The following LIPM variants were observed in gnomAD, a reference collection of about 807,000 sequenced individuals.
LIPM encodes the protein lipase family member M, also known as lipase member M.
Under a neutral mutation model 42.4 loss-of-function variants are expected in LIPM, and 42 were observed. The observed-to-expected ratio is 0.99, with a 90% CI of 0.77 to 1.28. The LOEUF (loss-of-function observed/expected upper bound fraction) is 1.28. Ranked by LOEUF, LIPM falls within the 50% of genes most tolerant of loss-of-function variation. LIPM has a pLI of 0.00. For synonymous variants in LIPM, 177 were observed against 173.3 expected, an observed-to-expected ratio of 1.02 and a Z score of -0.17; for missense variants, 524 against 520.1, an observed-to-expected ratio of 1.01 and a Z score of -0.07.
chr10:88,818,782 T>C (rs1411780), intron 8 of LIPM, among the ~76,000 whole-genome samples: 112,840 of 152,130 alleles, frequency 0.74, 42,271 homozygotes, highest in East Asian at 1. Context: ...CCCTGGATAG[T>C]GAACTCTCAA....
chr10:88,817,168 A>T lies in LIPM; in HGVS notation c.930+281A>T, dbSNP rs191001339. On this transcript the variant is annotated intron_variant, in intron 7 of 8. Coordinates refer to ENST00000404743, the MANE Select transcript of LIPM (RefSeq NM_001128215.1). ...CTTCTCTCTGTCTCTAGACACCTCA[A>T]AGATGTGGCTGGAGATAATTATGTT... Among the ~76,000 whole-genome samples, 3 of 152,334 alleles carry T rather than the reference A, an allele frequency of 2.0e-5. No individual in the cohort carries two copies. In the East Asian group the frequency reaches 5.8e-4, roughly 29 times the overall value.
At chr10:88,809,256 T>C (rs1258545366) in intron 2 of LIPM, among the ~76,000 whole-genome samples, 1 of 152,176 alleles carries the variant, frequency 6.6e-6, no homozygotes, top group Non-Finnish European at 1.5e-5. Flanking sequence ...CGCCTGGCTA[T>C]ACATACATTT....
intron 2 of LIPM, among the ~76,000 whole-genome samples, chr10:88,810,410 G>A (rs1285605210): frequency 1.3e-5 from 2 of 151,978 alleles, no homozygotes; most frequent in Non-Finnish European, 1.5e-5. Flanking sequence ...AGGTGTTTGA[G>A]GTTCAAGGAA....
chr10:88,816,892 G>C lies in LIPM; in HGVS notation c.930+5G>C, dbSNP rs1050175761. ...AATATTCTACACTGGAGCCAGGTAA[G>C]AATGTTGAATTTGCAGTCTTTGCTA... On this transcript the variant is annotated splice_donor_5th_base_variant and intron_variant, in intron 7 of 8. Coordinates refer to ENST00000404743, the MANE Select transcript of LIPM (RefSeq NM_001128215.1). The C allele has an allele frequency of 6.5e-7, 1 of 1,550,008 alleles. No individual in the cohort carries two copies. The highest frequency in any genetic ancestry group is 8.7e-7 in the Non-Finnish European group (1 of 1,145,486).
At chr10:88,809,542 C>T (rs1843628584) in intron 2 of LIPM, among the ~76,000 whole-genome samples, 1 of 152,146 alleles carries the variant, frequency 6.6e-6, no homozygotes, top group South Asian at 2.1e-4. Context: ...ATTTAATTTT[C>T]ACAATTACCC....
chr10:88,814,929 A>G (rs1243589804), intron 4 of LIPM, among the ~76,000 whole-genome samples, 159 bp from the exon 5 acceptor site: 1 of 152,242 alleles, frequency 6.6e-6, no homozygotes, highest in African/African-American at 2.4e-5. Flanking sequence ...ACTACTTGAA[A>G]GCAAATATGC....
intron 2 of LIPM, among the ~76,000 whole-genome samples, chr10:88,810,566 C>A (rs1400796309): frequency 2.7e-5 from 4 of 149,952 alleles, no homozygotes; most frequent in Non-Finnish European, 5.9e-5. Context: ...TTATTGAAAA[C>A]AACTGAAAAA....
chr10:88,809,835 C>T (rs1477627222), intron 2 of LIPM, among the ~76,000 whole-genome samples: 1 of 152,144 alleles, frequency 6.6e-6, no homozygotes, highest in East Asian at 1.9e-4. Context: ...GTCTAGCGTG[C>T]ACCTGCCTTA....
At chr10:88,817,515 G>A (rs1415592697) in intron 7 of LIPM, among the ~76,000 whole-genome samples, 1 of 152,132 alleles carries the variant, frequency 6.6e-6, no homozygotes, top group East Asian at 1.9e-4. Context: ...CAATTCCAGG[G>A]CACGATTCCC....
At chr10:88,813,904 C>T (rs1445326645) in intron 3 of LIPM, among the ~76,000 whole-genome samples, 1 of 152,106 alleles carries the variant, frequency 6.6e-6, no homozygotes, top group Non-Finnish European at 1.5e-5. Context: ...TGAGAACTCA[C>T]TATCACGAGA....
chr10:88,813,159 AACC>A lies in LIPM; in HGVS notation c.329_331del (p.Asn110_Leu111delinsMet). 6.2e-7 allele frequency: 1 copy of A among 1,612,768 alleles called. No individual in the cohort carries two copies. Among genetic ancestry groups the A allele is most frequent in the Non-Finnish European group, 8.5e-7 (1 of 1,179,270 alleles). On this transcript the variant is annotated inframe_deletion, in exon 3 of 9. Coordinates refer to ENST00000404743, the MANE Select transcript of LIPM (RefSeq NM_001128215.1). Reference sequence around the variant, plus strand: ...TGGAGGTGCTAGCAACTGGATTTCCAACCTGCCCAACAATAGCCTGGGCTTCAT... The same window carrying A: ...TGGAGGTGCTAGCAACTGGATTTCCATGCCCAACAATAGCCTGGGCTTCAT...
rs72015280 is a variant in LIPM at position 88,808,910 on chromosome 10, C to CATTTTATTTTATTTTATTTTATTTT, written c.265+531_265+555dup. ...TTGAAAAACGAAAGTTCTATACATA[C>CATTTTATTTTATTTTATTTTATTTT]ATTTTATTTTATTTTATTTTATTTT... On this transcript the variant is annotated intron_variant, in intron 2 of 8. Coordinates refer to ENST00000404743, the MANE Select transcript of LIPM (RefSeq NM_001128215.1). 2.9e-3 allele frequency among the ~76,000 whole-genome samples: 392 copies of CATTTTATTTTATTTTATTTTATTTT among 135,412 alleles called. 6 individuals are homozygous for CATTTTATTTTATTTTATTTTATTTT. Among genetic ancestry groups the CATTTTATTTTATTTTATTTTATTTT allele is most frequent in the South Asian group, 0.012 (49 of 3,930 alleles). The allele number at this position is 135,412 out of a possible 152,430, so 88.8% of individuals were successfully genotyped here.
chr10:88,805,132 G>A (rs1425099131), intron 1 of LIPM, among the ~76,000 whole-genome samples: 1 of 152,166 alleles, frequency 6.6e-6, no homozygotes, highest in Admixed American at 6.5e-5. Flanking sequence ...CCATGATATT[G>A]TGTTATGTAC....
At chr10:88,818,620 T>C (rs555395035) in intron 8 of LIPM, among the ~76,000 whole-genome samples, 2 of 152,354 alleles carry the variant, frequency 1.3e-5, no homozygotes, top group South Asian at 4.1e-4. Flanking sequence ...TGTATGAATG[T>C]AAATAAATAT....
intron 3 of LIPM, among the ~76,000 whole-genome samples, 154 bp from the exon 4 acceptor site, chr10:88,814,376 T>C (rs753010760): frequency 2.6e-5 from 4 of 152,170 alleles, no homozygotes; most frequent in Non-Finnish European, 4.4e-5. Flanking sequence ...CTTCATAGGT[T>C]TGAAAGAAAT....
chr10:88,805,760 A>T lies in LIPM; in HGVS notation c.148-2538A>T, dbSNP rs80052357. Among the ~76,000 whole-genome samples the T allele has an allele frequency of 4.2e-3, 632 of 152,284 alleles. 3 individuals are homozygous for T. Among genetic ancestry groups the T allele is most frequent in the African/African-American group, 0.014 (601 of 41,550 alleles). The stretch of plus-strand genomic sequence containing the variant: ...ATTTTTTTAAATAAGTATTTGCCCC[A>T]GGTTGGATTTTCTGGGGGACAGACT... On this transcript the variant is annotated intron_variant, in intron 1 of 8. Coordinates refer to ENST00000404743, the MANE Select transcript of LIPM (RefSeq NM_001128215.1).
intron 3 of LIPM, among the ~76,000 whole-genome samples, chr10:88,813,870 C>T (rs942594629): frequency 2.7e-4 from 41 of 151,988 alleles, no homozygotes; most frequent in Admixed American, 9.8e-4. Flanking sequence ...GGGGAAGAGC[C>T]CTTTATAAAA....
chr10:88,816,040 G>T (rs568244328), intron 6 of LIPM, among the ~76,000 whole-genome samples: 34 of 152,318 alleles, frequency 2.2e-4, no homozygotes, highest in Non-Finnish European at 1.5e-5. Context: ...AGGTGAAAAA[G>T]TCAAGTAGTG....
intron 2 of LIPM, among the ~76,000 whole-genome samples, chr10:88,811,529 A>G (rs1843656773): frequency 6.6e-6 from 1 of 152,336 alleles, no homozygotes; most frequent in African/African-American, 2.4e-5. Context: ...CTAATGTCAA[A>G]ATAATATATA....
Sources: allele counts gnomAD v4.1 joint callset (sites outside exome capture counted in the v4.1 genomes callset), GRCh38; gene constraint gnomAD v4.1.1; transcripts MANE v1.5; gene names NCBI Gene and HGNC (gene_info 2026-07-23, HGNC 2026-07-21).